Variants in RPL15 observed in about 807,000 individuals in gnomAD.
RPL15 encodes large ribosomal subunit protein eL15.
For synonymous variants in RPL15, 97 were observed against 95.1 expected (o/e 1.02, Z -0.12); for missense variants, 161 against 271.8 (o/e 0.59, Z 2.87).
In RPL15 at chr3:23,919,269, A is replaced by C; in HGVS notation, c.383A>C (p.Lys128Thr). Residue 128 changes from lysine to threonine, a missense_variant, in exon 4 of 4, where the codon AAA (lysine) becomes ACA (threonine). Lys to Thr is a moderately conservative substitution (Grantham distance 78). Transcript: ENST00000307839. ...TGGGTTGGTGAAGATTCCACATACAAATTTTTTGAGGTTATCCTCATTGAT... is the reference window on the plus strand; with the variant it reads ...TGGGTTGGTGAAGATTCCACATACACATTTTTTGAGGTTATCCTCATTGAT... ...SYWVGEDSTY[K>T]FFEVILIDPF... The C allele has an allele frequency of 4.3e-6, 7 of 1,612,454 alleles. No homozygotes were observed. Among genetic ancestry groups the C allele is most frequent in the Non-Finnish European group, 5.1e-6 (6 of 1,179,792 alleles).
chr3:23,920,390 CAT>C lies in RPL15; in HGVS notation c.*892_*893del, dbSNP rs1705011136. On this transcript the variant is annotated 3_prime_UTR_variant, in exon 4 of 4. Transcript: ENST00000307839. ...AAGTCACAAGCGCATGGTTTCCAAC[CAT>C]ATGTGTTTTCTGCAGTTATTTCTCT... The C allele has an allele frequency of 1.0e-5, 10 of 985,316 alleles. No homozygotes were observed. Among genetic ancestry groups the C allele is most frequent in the South Asian group, 9.4e-5 (2 of 21,282 alleles). The allele number at this position is 985,316 out of a possible 1,614,324, so 61.0% of individuals were successfully genotyped here. A position where few individuals can be genotyped will look rare whatever the true frequency, so the allele number is the denominator to read the frequency against.
At chr3:23,921,642 AC>A (rs572703938), downstream of RPL15, 143 of 669,998 alleles carry the variant, frequency 2.1e-4, no homozygotes, top group Middle Eastern at 7.8e-4. Flanking sequence ...TGGGGCAATC[AC>A]GGCTCACTGC....
chr3:23,919,475 A>G lies in RPL15; in HGVS notation c.589A>G (p.Thr197Ala). 6.3e-7 allele frequency: 1 copy of G among 1,594,170 alleles called. No homozygotes were observed. The highest frequency in any genetic ancestry group is 8.5e-7 in the Non-Finnish European group (1 of 1,175,598). ...CCGGGCAGCTTGGAGAAGGCGCAAT[A>G]CTCTCCAGCTCCACCGTTACCGCTA... ...SRRAAWRRRN[T>A]LQLHRYR Residue 197 changes from threonine to alanine, a missense_variant, in exon 4 of 4, where the codon ACT becomes GCT. Thr to Ala is a moderately conservative substitution (Grantham distance 58, BLOSUM62 0). Transcript: ENST00000307839.
chr3:23,918,749 C>T (rs1236182029), intron 3 of RPL15, 173 bp downstream of exon 3: 6 of 765,806 alleles, frequency 7.8e-6, no homozygotes, highest in Non-Finnish European at 1.2e-5. Context: ...GTCTTTGTTA[C>T]AAATGCGTGT....
chr3:23,919,269 A>G lies in RPL15; in HGVS notation c.383A>G (p.Lys128Arg), dbSNP rs774230761. ...SYWVGEDSTY[K>R]FFEVILIDPF... is the part of the protein sequence containing the mutation. ...TGGGTTGGTGAAGATTCCACATACA[A>G]ATTTTTTGAGGTTATCCTCATTGAT... is the stretch of plus-strand genomic sequence containing the variant. The change falls in exon 4 of 4, where the codon AAA (lysine) becomes AGA (arginine). Residue 128 changes from lysine (K) to arginine (R), a missense_variant. Lys to Arg is a conservative substitution (Grantham distance 26). Transcript: ENST00000307839. 1.2e-5 allele frequency: 20 copies of G among 1,612,452 alleles called. No individual in the cohort carries two copies. The Middle Eastern group carries it at 8.3e-4, about 67-fold the overall frequency.
At position 23,919,176 on chromosome 3, in the gene RPL15, G is replaced by A; in HGVS notation, c.310-20G>A. On this transcript the variant is annotated intron_variant, in intron 3 of 3. Transcript: ENST00000307839. ...TAGGCAATGTGGGAGATTGACCTTGGGCCTTTTTTCCTATTCTAGGAGCGA... is the reference window on the plus strand; with the variant it reads ...TAGGCAATGTGGGAGATTGACCTTGAGCCTTTTTTCCTATTCTAGGAGCGA... 1.3e-6 allele frequency: 2 copies of A among 1,571,116 alleles called. No homozygotes were observed.
chr3:23,920,585 ATG>A lies in RPL15; in HGVS notation c.*1086_*1087del. 1 of 985,292 alleles carries A rather than the reference ATG, an allele frequency of 1.0e-6. No homozygotes were observed. The highest frequency in any genetic ancestry group is 1.2e-6 in the Non-Finnish European group (1 of 829,856). 61.0% of individuals were successfully genotyped at this position (985,292 alleles called of 1,614,324 possible). Reference sequence around the variant, plus strand: ...CAGGGTCAATTTGAGTGTAAAGAAAATGTAGACAAGGAATTGCCCAATTTTAA... The same window carrying A: ...CAGGGTCAATTTGAGTGTAAAGAAAATAGACAAGGAATTGCCCAATTTTAA... On this transcript the variant is annotated 3_prime_UTR_variant, in exon 4 of 4. Coordinates refer to ENST00000307839, the MANE Select transcript of RPL15 (RefSeq NM_002948.5).
chr3:23,917,802 T>C, intron 1 of RPL15, 48 bp from the exon 2 acceptor site: 1 of 1,526,632 alleles, frequency 6.6e-7, no homozygotes, highest in Non-Finnish European at 8.9e-7. Flanking sequence ...ACAGTCGTCT[T>C]ATTGTACTTA....
Position 23,919,980 on chromosome 3 carries a change from T to A in RPL15, c.*479T>A, listed in dbSNP as rs1244450669. 1.0e-6 allele frequency: 1 copy of A among 987,516 alleles called. No individual in the cohort carries two copies. Among genetic ancestry groups the A allele is most frequent in the East Asian group, 1.1e-4 (1 of 8,864 alleles). The allele number at this position is 987,516 out of a possible 1,614,324, so 61.2% of individuals were successfully genotyped here. Reference sequence around the variant, plus strand: ...AAGAAAATTGCCTCAGCCTCCACAGTACCATTTTAAATTCACATAAAAGGT... The same window carrying A: ...AAGAAAATTGCCTCAGCCTCCACAGAACCATTTTAAATTCACATAAAAGGT... On this transcript the variant is annotated 3_prime_UTR_variant, in exon 4 of 4. Coordinates refer to ENST00000307839, the MANE Select transcript of RPL15 (RefSeq NM_002948.5).
chr3:23,919,670 A>G lies in RPL15; in HGVS notation c.*169A>G, dbSNP rs1704962065. ...GTTTGAAGACAATAAGTGGTGGTGTATCTTGTTTCTAATAAGATAAACTTT... is the reference window on the plus strand; with the variant it reads ...GTTTGAAGACAATAAGTGGTGGTGTGTCTTGTTTCTAATAAGATAAACTTT... On this transcript the variant is annotated 3_prime_UTR_variant, in exon 4 of 4. Transcript: ENST00000307839. The G allele has an allele frequency of 2.1e-6, 3 of 1,401,640 alleles. No homozygotes were observed. The highest frequency in any genetic ancestry group is 1.4e-5 in the African/African-American group (1 of 69,480). The allele number at this position is 1,401,640 out of a possible 1,614,324, so 86.8% of individuals were successfully genotyped here.
At chr3:23,918,076 G>C (rs774223746) in intron 2 of RPL15, 45 bp downstream of exon 2, 2 of 1,576,128 alleles carry the variant, frequency 1.3e-6, no homozygotes, top group South Asian at 2.3e-5. Context: ...TTATATTCGA[G>C]AAAAGTTGGA....
At chr3:23,918,812 CAGA>C in intron 3 of RPL15, 1 of 563,426 alleles carries the variant, frequency 1.8e-6, no homozygotes, top group Admixed American at 3.6e-5. Flanking sequence ...CAAGAATATG[CAGA>C]AGAGACCAAA....
Position 23,918,567 on chromosome 3 carries a change from C to G in RPL15, c.300C>G (p.Ser100=), listed in dbSNP as rs745714508. The G allele has an allele frequency of 1.9e-5, 30 of 1,613,596 alleles. No homozygotes were observed. The South Asian group carries it at 2.9e-4, about 15-fold the overall frequency. ...NQLKFARSLQ[S]VAEERAGRHC... ...TAAAGTTTGCTCGAAGCCTTCAGTC[C>G]GTTGCAGAGGTAAATGGTTTTGAGT... Residue 100 remains serine (S), a synonymous_variant, in exon 3 of 4, where the codon TCC becomes TCG. Coordinates refer to ENST00000307839, the MANE Select transcript of RPL15 (RefSeq NM_002948.5).
rs1575117790 is a variant in RPL15 at position 23,917,617 on chromosome 3, T to C, written c.-10-233T>C. 6 of 462,844 alleles carry C rather than the reference T, an allele frequency of 1.3e-5. No homozygotes were observed. The East Asian group carries it at 2.0e-4, about 16-fold the overall frequency. 28.7% of individuals were successfully genotyped at this position (462,844 alleles called of 1,614,324 possible). On this transcript the variant is annotated intron_variant, in intron 1 of 3. Transcript: ENST00000307839. ...GGTGCTCAGTTCTGGTTCTGTTAAT[T>C]CGCCCCACCAAAACGTGCCGAGCAC... is the stretch of plus-strand genomic sequence containing the variant.
In RPL15 at chr3:23,919,658, A is replaced by G. The variant is rs1704961180; in HGVS notation, c.*157A>G. ...AAGTGCAATAATGTTTGAAGACAAT[A>G]AGTGGTGGTGTATCTTGTTTCTAAT... On this transcript the variant is annotated 3_prime_UTR_variant, in exon 4 of 4. Transcript: ENST00000307839. 2.1e-6 allele frequency: 3 copies of G among 1,414,826 alleles called. No individual in the cohort carries two copies. The highest frequency in any genetic ancestry group is 2.5e-5 in the East Asian group (1 of 39,722). The allele number at this position is 1,414,826 out of a possible 1,614,324, so 87.6% of individuals were successfully genotyped here. A position where few individuals can be genotyped will look rare whatever the true frequency, so the allele number is the denominator to read the frequency against.
chr3:23,921,592 T>A (rs1559513577), downstream of RPL15: 5 of 678,542 alleles, frequency 7.4e-6, no homozygotes, highest in South Asian at 7.9e-5. Flanking sequence ...TTTTTTTTTT[T>A]TCCAGATGGA....
downstream of RPL15, chr3:23,922,649 G>A (rs1705125704): frequency 1.3e-5 from 2 of 152,166 alleles, no homozygotes; most frequent in East Asian, 1.9e-4. The surrounding 1 kb of genome is among the most constrained non-coding windows in gnomAD (Gnocchi z 4.2). Context: ...GCCTCCCAAA[G>A]TGCCGGGATT....
chr3:23,917,609 C>A (rs1444764048), intron 1 of RPL15: 1 of 451,698 alleles, frequency 2.2e-6, no homozygotes, highest in Non-Finnish European at 3.9e-6. Context: ...AGTTCTGGTT[C>A]TGTTAATTCG....
chr3:23,920,224 T>C lies in RPL15; in HGVS notation c.*723T>C. 1.0e-6 allele frequency: 1 copy of C among 985,878 alleles called. No homozygotes were observed. Among genetic ancestry groups the C allele is most frequent in the Non-Finnish European group, 1.2e-6 (1 of 829,930 alleles). 61.1% of individuals were successfully genotyped at this position (985,878 alleles called of 1,614,324 possible). The stretch of plus-strand genomic sequence containing the variant: ...ACGTCAACCCTAAAATACTTAACCG[T>C]AATGCTAATTGTGATCATTATGAAT... On this transcript the variant is annotated 3_prime_UTR_variant, in exon 4 of 4. Transcript: ENST00000307839.
Sources: gnomAD v4.1 joint callset for allele counts on GRCh38, gnomAD v4.1.1 for gene constraint, Gnocchi (gnomAD v3.1) non-coding constraint, MANE v1.5 for transcripts, NCBI Gene and HGNC (gene_info 2026-07-23, HGNC 2026-07-21) for gene names.